CDH15: variants seen among roughly 807,000 people sequenced by gnomAD.
The protein encoded by CDH15 is cadherin-15.
CDH15 carries 73 observed loss-of-function variants against 69.4 expected under a neutral mutation model. That is an observed-to-expected ratio of 1.05 (90% CI 0.87 to 1.28). The LOEUF is 1.28. CDH15 is among the 50% of genes most tolerant of loss of function. The pLI, the probability that CDH15 is intolerant of heterozygous loss-of-function variation, is 0.00. For synonymous variants in CDH15, 624 were observed against 507.7 expected (o/e 1.23, Z -3.08); for missense variants, 1,343 against 1,133.6 (o/e 1.18, Z -2.65).
chr16:89,188,080 G>A lies in CDH15; in HGVS notation c.793-20G>A, dbSNP rs1246713988. On this transcript the variant is annotated intron_variant, in intron 6 of 13. Coordinates refer to ENST00000289746, the MANE Select transcript of CDH15 (RefSeq NM_004933.3). ...TCCCCCCAGCCCTGCTGGTAACTGGGGCTGGGATCCCCCACCCAGTTCTTC... is the reference window on the plus strand; with the variant it reads ...TCCCCCCAGCCCTGCTGGTAACTGGAGCTGGGATCCCCCACCCAGTTCTTC... 6.2e-7 allele frequency: 1 copy of A among 1,600,410 alleles called. No homozygotes were observed. Among genetic ancestry groups the A allele is most frequent in the East Asian group, 2.3e-5 (1 of 44,318 alleles).
rs1915610422 is a variant in CDH15 at position 89,190,394 on chromosome 16, AGAAC to A, written c.1131_1134del (p.Glu377AspfsTer7). On this transcript the variant is annotated frameshift_variant, in exon 8 of 14. Transcript: ENST00000289746. LOFTEE classifies it high-confidence loss of function. ...ACCAACGAGCCCCCCGTGTTCCAGG[AGAAC>A]CCACTTCGGACCAGCCTAGCAGAGG... 2 of 1,612,702 alleles carry A rather than the reference AGAAC, an allele frequency of 1.2e-6. No homozygotes were observed. The highest frequency in any genetic ancestry group is 3.3e-5 in the Admixed American group (2 of 59,958).
rs1278054523 is a variant in CDH15, at chr16:89,193,779, C to T, written c.2017C>T (p.Arg673Cys). 1.9e-6 allele frequency: 3 copies of T among 1,604,972 alleles called. No homozygotes were observed. Among genetic ancestry groups the T allele is most frequent in the Non-Finnish European group, 1.7e-6 (2 of 1,179,032 alleles). Residue 673 changes from arginine (R) to cysteine (C), a missense_variant, in exon 13 of 14, where the codon CGT becomes TGT. Physicochemically the swap from Arg to Cys is radical, Grantham distance 180 (BLOSUM62 -3). Transcript: ENST00000289746. The part of the protein sequence containing the change: ...DQDAYDISQL[R>C]HPTALSLPLG... ...GGACGCCTACGACATCAGCCAGCTG[C>T]GTCACCCGACAGCGCTGAGCCTGCC...
Position 89,171,754 on chromosome 16 carries a change from C to A in CDH15, c.-78C>A. On this transcript the variant is annotated 5_prime_UTR_variant, in exon 1 of 14. Transcript: ENST00000289746. ...GTCTCTGGCCCTGGCCCGCCCCGCGCACTTGCGCTGTCACTCAGCCTGGAC... is the reference window on the plus strand; with the variant it reads ...GTCTCTGGCCCTGGCCCGCCCCGCGAACTTGCGCTGTCACTCAGCCTGGAC... 7.1e-7 allele frequency: 1 copy of A among 1,414,572 alleles called. No individual in the cohort carries two copies. The highest frequency in any genetic ancestry group is 9.6e-7 in the Non-Finnish European group (1 of 1,037,376). 87.6% of individuals were successfully genotyped at this position (1,414,572 alleles called of 1,614,324 possible).
intron 5 of CDH15, 116 bp from the exon 6 acceptor site, chr16:89,187,313 C>T (rs1299535188): frequency 1.3e-5 from 16 of 1,253,528 alleles, no homozygotes; most frequent in African/African-American, 8.9e-5. Context: ...CTTCAACACC[C>T]ACTGGGTGCT....
intron 1 of CDH15, 124 bp from the exon 2 acceptor site, chr16:89,179,292 C>T (rs900816083): frequency 1.1e-5 from 12 of 1,137,332 alleles, no homozygotes; most frequent in Admixed American, 1.9e-5. Context: ...CAATGGGCAC[C>T]GACCCGTGGG....
intron 2 of CDH15, 122 bp from the exon 3 acceptor site, chr16:89,180,078 C>T: frequency 9.2e-7 from 1 of 1,084,710 alleles, no homozygotes; most frequent in Non-Finnish European, 1.4e-6. Flanking sequence ...AGGATCCGTC[C>T]TCCAGTCCTA....
At chr16:89,194,005 C>A in intron 13 of CDH15, 92 bp downstream of exon 13, 2 of 1,407,358 alleles carry the variant, frequency 1.4e-6, no homozygotes, top group Non-Finnish European at 2.0e-6. Context: ...CATGCAAGAA[C>A]CGGCGCCTGC....
rs180869002 is a variant in CDH15 at position 89,190,615 on chromosome 16, G to A, written c.1232+119G>A. On this transcript the variant is annotated intron_variant, in intron 8 of 13. Coordinates refer to ENST00000289746, the MANE Select transcript of CDH15 (RefSeq NM_004933.3). ...GGTGTAGGGGCCATTTGCTGTGTGG[G>A]TTCCTGAAGGTCTGGAGGGTCTCGA... 7,083 of 1,285,944 alleles carry A rather than the reference G, an allele frequency of 5.5e-3. 23 individuals are homozygous for A. Among genetic ancestry groups the A allele is most frequent in the Non-Finnish European group, 6.9e-3 (6,392 of 926,488 alleles). 79.7% of individuals were successfully genotyped at this position (1,285,944 alleles called of 1,614,324 possible).
At chr16:89,174,642 G>T (rs899167951) in intron 1 of CDH15, among the ~76,000 whole-genome samples, 29 of 152,300 alleles carry the variant, frequency 1.9e-4, no homozygotes, top group Middle Eastern at 3.4e-3. Context: ...CAGGGCGGTG[G>T]CCCCAGACGT....
At chr16:89,188,555 GATGCCGGCACACACAC>G (rs1915550388) in intron 7 of CDH15, among the ~76,000 whole-genome samples, 1 of 132,920 alleles carries the variant, frequency 7.5e-6, no homozygotes, top group East Asian at 2.4e-4. Context: ...CCCACACACA[GATGCCGGCACACACAC>G]ATGCCGGCAC....
chr16:89,173,447 C>A (rs1031313063), intron 1 of CDH15, among the ~76,000 whole-genome samples: 1 of 152,198 alleles, frequency 6.6e-6, no homozygotes, highest in Non-Finnish European at 1.5e-5. Context: ...CTCACTGTCC[C>A]TTCTTTTCTC....
rs765075305 is a variant in CDH15 at position 89,185,239 on chromosome 16, G to C, written c.569G>C (p.Arg190Pro). 1.9e-6 allele frequency: 3 copies of C among 1,605,668 alleles called. No homozygotes were observed. The highest frequency in any genetic ancestry group is 2.6e-6 in the Non-Finnish European group (3 of 1,176,464). Residue 190 changes from arginine to proline, a missense_variant, in exon 5 of 14, where the codon CGG becomes CCG. Arg to Pro is a moderately radical substitution (Grantham distance 103). Coordinates refer to ENST00000289746, the MANE Select transcript of CDH15 (RefSeq NM_004933.3). ...CCCGAGACGGACAACGCAGCGCTGC[G>C]GTTCTCCATCCTGCAGCAGGGCAGC... ...DDPETDNAAL[R>P]FSILQQGSPE...
At position 89,191,888 on chromosome 16, in the gene CDH15, G is replaced by A. The variant is rs549229241; in HGVS notation, c.1609G>A (p.Val537Ile). 3 of 1,573,696 alleles carry A rather than the reference G, an allele frequency of 1.9e-6. No individual in the cohort carries two copies. Among genetic ancestry groups the A allele is most frequent in the East Asian group, 2.3e-5 (1 of 43,534 alleles). ...ELGRNWSLSQ[V>I]NVSHARLRPR... is the part of the protein sequence containing the mutation. ...CGGCCGGAACTGGAGCCTCAGCCAGGTCAACGGTGCGCTCCCCTCACCGCC... is the reference window on the plus strand; with the variant it reads ...CGGCCGGAACTGGAGCCTCAGCCAGATCAACGGTGCGCTCCCCTCACCGCC... The change falls in exon 10 of 14, where the codon GTC (valine) becomes ATC (isoleucine). Residue 537 changes from valine (V) to isoleucine (I), a missense_variant. Coordinates refer to ENST00000289746, the MANE Select transcript of CDH15 (RefSeq NM_004933.3).
At chr16:89,179,338 A>AC in intron 1 of CDH15, 78 bp from the exon 2 acceptor site, 2 of 1,562,196 alleles carry the variant, frequency 1.3e-6, no homozygotes, top group Non-Finnish European at 1.8e-6. Context: ...CCTCCTCACC[A>AC]CCCACAGCTC....
Position 89,179,533 on chromosome 16 carries a change from G to T in CDH15, c.160G>T (p.Val54Leu), listed in dbSNP as rs138572161. 9 of 1,610,922 alleles carry T rather than the reference G, an allele frequency of 5.6e-6. No homozygotes were observed. The Middle Eastern group carries it at 5.0e-4, about 89-fold the overall frequency. ...RRAWVIPPISVSENHKRLPYP... is the reference protein window; with the variant it reads ...RRAWVIPPISLSENHKRLPYP... ...GGCCTGGGTCATCCCCCCGATCAGC[G>T]TATCCGAGAACCACAAGCGTCTCCC... is the stretch of plus-strand genomic sequence containing the variant. Residue 54 changes from valine (V) to leucine (L), a missense_variant, in exon 2 of 14, where the codon GTA becomes TTA. By Grantham distance (32) the Val-to-Leu change is conservative. Coordinates refer to ENST00000289746, the MANE Select transcript of CDH15 (RefSeq NM_004933.3).
intron 7 of CDH15, among the ~76,000 whole-genome samples, chr16:89,189,896 A>G (rs1915598360): frequency 6.6e-6 from 1 of 152,194 alleles, no homozygotes; most frequent in Non-Finnish European, 1.5e-5. Context: ...CAAAGCCTTC[A>G]CCTGAGTGGA....
Position 89,191,731 on chromosome 16 carries a change from C to CCCG in CDH15, c.1462_1464dup (p.Pro488dup), listed in dbSNP as rs546499570. The CCCG allele has an allele frequency of 9.4e-5, 151 of 1,603,882 alleles. No individual in the cohort carries two copies. In the African/African-American group the frequency reaches 9.7e-4, roughly 10 times the overall value. On this transcript the variant is annotated inframe_insertion, in exon 10 of 14. Transcript: ENST00000289746. ...TGAACGACCATGCACCTGTGCTGGC[C>CCCG]CCGCCGCCGCCGGGCAGCCTGTGCA...
At chr16:89,186,079 A>G (rs1176633998) in intron 5 of CDH15, 2 of 140,784 alleles carry the variant, frequency 1.4e-5, no homozygotes, top group Non-Finnish European at 3.0e-5. Flanking sequence ...TGCTCTGTAA[A>G]CGCTTACCCA....
chr16:89,186,961 C>A (rs1454183787), intron 5 of CDH15, among the ~76,000 whole-genome samples: 13 of 150,768 alleles, frequency 8.6e-5, no homozygotes, highest in Middle Eastern at 3.4e-3. Context: ...TAAACGCTTA[C>A]CCAGCACACA....
Sources: allele counts gnomAD v4.1 joint callset (sites outside exome capture counted in the v4.1 genomes callset), GRCh38; gene constraint gnomAD v4.1.1; transcripts MANE v1.5; gene names NCBI Gene and HGNC (gene_info 2026-07-23, HGNC 2026-07-21).